Variants in MSANTD3 observed in about 807,000 individuals in gnomAD.
MSANTD3 encodes the protein myb/SANT-like DNA-binding domain-containing protein 3.
A neutral mutation model predicts 27.7 loss-of-function variants in MSANTD3; 11 were observed. The ratio of observed to expected loss-of-function variants is 0.40; its 90% confidence interval spans 0.25 to 0.66. The LOEUF (loss-of-function observed/expected upper bound fraction) is 0.66, where lower values mean the gene tolerates loss of function less well. Ranked by LOEUF, MSANTD3 falls within the 30% of genes least tolerant of loss-of-function variation. The pLI is 0.41. For missense variants in MSANTD3, 250 were observed against 336.5 expected, an observed-to-expected ratio of 0.74 and a Z score of 2.01; for synonymous variants, 131 against 127.2, an observed-to-expected ratio of 1.03 and a Z score of -0.20.
intron 2 of MSANTD3, chr9:100,444,259 G>A (rs1173909521): frequency 1.3e-5 from 2 of 152,166 alleles, no homozygotes; most frequent in African/African-American, 4.8e-5. Flanking sequence ...GATTTCCAGT[G>A]TGGGAACCTC....
intron 1 of MSANTD3, among the ~76,000 whole-genome samples, chr9:100,440,780 CTTTTTT>C (rs529362356): frequency 0.14 from 11,919 of 85,144 alleles, 755 homozygotes; most frequent in Middle Eastern, 0.19. Context: ...TTTTTCTTCC[CTTTTTT>C]TTTTTTTTTT....
At chr9:100,449,143 A>G in intron 2 of MSANTD3, 1 of 985,434 alleles carries the variant, frequency 1.0e-6, no homozygotes, top group Non-Finnish European at 1.2e-6. Context: ...CTTCTCAAGA[A>G]AGCCTTAGAG....
At chr9:100,441,159 C>G (rs1422628119) in intron 1 of MSANTD3, among the ~76,000 whole-genome samples, 2 of 151,552 alleles carry the variant, frequency 1.3e-5, no homozygotes, top group Non-Finnish European at 2.9e-5. Flanking sequence ...TGGTCTGGAA[C>G]TCCTGACCTC....
At chr9:100,440,900 C>T (rs1181794964) in intron 1 of MSANTD3, among the ~76,000 whole-genome samples, 1 of 134,732 alleles carries the variant, frequency 7.4e-6, no homozygotes, top group Non-Finnish European at 1.5e-5. Context: ...GCTGGGATTA[C>T]AGGTGTGAGC....
intron 2 of MSANTD3, chr9:100,448,999 C>T: frequency 1.0e-6 from 1 of 985,308 alleles, no homozygotes; most frequent in South Asian, 4.7e-5. Flanking sequence ...TTAGGTTTCC[C>T]CCAGTACCCA....
At chr9:100,441,700 C>T (rs1836627427) in intron 1 of MSANTD3, among the ~76,000 whole-genome samples, 1 of 152,126 alleles carries the variant, frequency 6.6e-6, no homozygotes, top group African/African-American at 2.4e-5. Context: ...CACAGTATAG[C>T]CACAACAATC....
intron 2 of MSANTD3, chr9:100,444,534 G>A (rs1370411636): frequency 6.6e-6 from 1 of 152,660 alleles, no homozygotes; most frequent in South Asian, 2.1e-4. Flanking sequence ...GGTTGTGGAG[G>A]AGTGTGCTGG....
chr9:100,431,025 G>A (rs1238525897), intron 1 of MSANTD3, among the ~76,000 whole-genome samples: 1 of 149,706 alleles, frequency 6.7e-6, no homozygotes, highest in African/African-American at 2.5e-5. Flanking sequence ...TTTTTGAGAT[G>A]GAGTTTTGCT....
chr9:100,431,829 G>T (rs1836383240), intron 1 of MSANTD3, among the ~76,000 whole-genome samples: 1 of 152,192 alleles, frequency 6.6e-6, no homozygotes, highest in Admixed American at 6.5e-5. Context: ...AGCTGAGGTG[G>T]TGGGAGTGGA....
At chr9:100,445,191 A>C in intron 2 of MSANTD3, 1 of 1,610,070 alleles carries the variant, frequency 6.2e-7, no homozygotes, top group Non-Finnish European at 8.5e-7. Context: ...AAAGAAAAAG[A>C]AGCCTGGAAT....
chr9:100,450,507 T>C (rs77764520), intron 2 of MSANTD3, 50 bp from the exon 3 acceptor site: 3 of 1,466,962 alleles, frequency 2.0e-6, no homozygotes, highest in Admixed American at 5.0e-5. Context: ...TTTTTTTTTT[T>C]CTCTGCCTGT....
intron 1 of MSANTD3, among the ~76,000 whole-genome samples, chr9:100,436,329 A>C (rs1836476931): frequency 6.6e-6 from 1 of 152,122 alleles, no homozygotes; most frequent in African/African-American, 2.4e-5. Flanking sequence ...CCTTTAGTGT[A>C]CTGTTTTGTC....
At chr9:100,429,825 C>G (rs1462249300) in intron 1 of MSANTD3, among the ~76,000 whole-genome samples, 1 of 152,036 alleles carries the variant, frequency 6.6e-6, no homozygotes, top group East Asian at 1.9e-4. Context: ...GTCTCAGCCT[C>G]CCAAGTAGCT....
intron 2 of MSANTD3, among the ~76,000 whole-genome samples, chr9:100,447,902 T>C (rs922850285): frequency 2.6e-5 from 4 of 152,074 alleles, no homozygotes; most frequent in East Asian, 1.9e-4. Flanking sequence ...CCTTTAGAAA[T>C]TGGAAGAGGC....
intron 1 of MSANTD3, among the ~76,000 whole-genome samples, chr9:100,437,406 T>C (rs533302798): frequency 3.1e-4 from 47 of 152,306 alleles, no homozygotes; most frequent in African/African-American, 1.1e-3. Flanking sequence ...AGCATGAGCA[T>C]TGGAGTAAGT....
intron 2 of MSANTD3, 64 bp from the exon 3 acceptor site, chr9:100,450,493 T>C: frequency 1.4e-6 from 2 of 1,411,112 alleles, no homozygotes; most frequent in South Asian, 1.5e-5. Flanking sequence ...TGAAATAGGA[T>C]TGGTTTTTTT....
intron 1 of MSANTD3, among the ~76,000 whole-genome samples, chr9:100,441,158 A>G (rs1836612038): frequency 6.8e-6 from 1 of 146,624 alleles, no homozygotes; most frequent in Admixed American, 6.8e-5. Flanking sequence ...CTGGTCTGGA[A>G]CTCCTGACCT....
chr9:100,446,814 C>G (rs1440398332), intron 2 of MSANTD3, among the ~76,000 whole-genome samples: 3 of 146,694 alleles, frequency 2.0e-5, no homozygotes, highest in Non-Finnish European at 3.0e-5. Flanking sequence ...GTGACAGAGC[C>G]AGACTTCGTC....
intron 2 of MSANTD3, among the ~76,000 whole-genome samples, chr9:100,447,980 C>G (rs1027585275): frequency 3.3e-5 from 5 of 152,076 alleles, no homozygotes; most frequent in Admixed American, 1.3e-4. Flanking sequence ...TGCTTGAACT[C>G]AGGAGTTTGA....
Sources: gnomAD v4.1 joint callset for allele counts (sites outside exome capture counted in the v4.1 genomes callset) on GRCh38, gnomAD v4.1.1 for gene constraint, MANE v1.5 for transcripts, NCBI Gene and HGNC (gene_info 2026-07-23, HGNC 2026-07-21) for gene names.